The following EPC2 variants were observed in gnomAD, a reference collection of about 807,000 sequenced individuals.
EPC2 encodes the protein enhancer of polycomb homolog 2.
A neutral mutation model predicts 92.1 loss-of-function variants in EPC2; 14 were observed. The observed-to-expected ratio is 0.15, with a 90% CI of 0.10 to 0.24. The LOEUF (loss-of-function observed/expected upper bound fraction) is 0.24, where lower values mean the gene tolerates loss of function less well. Ranked by LOEUF, EPC2 falls within the 10% of genes least tolerant of loss-of-function variation. EPC2 has a pLI of 1.00. For missense variants in EPC2, 755 were observed against 971.5 expected (o/e 0.78, Z 2.96); for synonymous variants, 340 against 334.7 (o/e 1.02, Z -0.17).
chr2:148,761,885 C>G lies in EPC2; in HGVS notation c.770C>G (p.Thr257Arg). 6.3e-7 allele frequency: 1 copy of G among 1,597,428 alleles called. No individual in the cohort carries two copies. Among genetic ancestry groups the G allele is most frequent in the Non-Finnish European group, 8.5e-7 (1 of 1,174,130 alleles). ...GAAATGATTAAGAGAAGAGAGAAAA[C>G]AAAACGAGAATTATTGCACTTAACC... ...ILEMIKRREK[T>R]KRELLHLTLE... Residue 257 changes from threonine (T) to arginine (R), a missense_variant, in exon 5 of 14, where the codon ACA becomes AGA. Thr to Arg is a moderately conservative substitution (Grantham distance 71). Around this residue, in one of 4 missense-constraint regions of EPC2, gnomAD observed 509 missense variants for 607.7 expected, o/e 0.84. Transcript: ENST00000258484.
intron 1 of EPC2, among the ~76,000 whole-genome samples, chr2:148,688,516 A>T (rs940639927): frequency 2.0e-5 from 3 of 152,172 alleles, no homozygotes; most frequent in African/African-American, 4.8e-5. Flanking sequence ...TACATATGTA[A>T]CAAACCTGCA....
intron 1 of EPC2, among the ~76,000 whole-genome samples, chr2:148,647,328 A>G (rs1236283938): frequency 2.0e-5 from 3 of 151,978 alleles, no homozygotes; most frequent in Admixed American, 1.3e-4. Flanking sequence ...GTTTTTTGAG[A>G]TGGAGTTTAG....
intron 6 of EPC2, 76 bp downstream of exon 6, chr2:148,762,878 T>G: frequency 6.9e-7 from 1 of 1,457,010 alleles, no homozygotes; most frequent in South Asian, 1.5e-5. Context: ...GCAGTTGTCT[T>G]AATATGGTTT....
intron 2 of EPC2, among the ~76,000 whole-genome samples, chr2:148,705,500 C>T (rs975999878): frequency 3.9e-5 from 6 of 152,172 alleles, no homozygotes; most frequent in Admixed American, 3.3e-4. Context: ...GGTGTTTGAG[C>T]TCTGAGAATG....
intron 11 of EPC2, 91 bp downstream of exon 11, chr2:148,781,871 G>A: frequency 1.3e-6 from 2 of 1,484,916 alleles, no homozygotes; most frequent in African/African-American, 2.8e-5. Context: ...AGATAATCTT[G>A]GTTTTGCCAC....
chr2:148,721,434 T>C (rs1479165300), intron 2 of EPC2, among the ~76,000 whole-genome samples: 2 of 152,162 alleles, frequency 1.3e-5, no homozygotes, highest in African/African-American at 2.4e-5. Context: ...CCTTTGTAGC[T>C]AAGGTGTTTT....
chr2:148,700,575 T>C lies in EPC2; in HGVS notation c.313+10202T>C, dbSNP rs1430519268. On this transcript the variant is annotated intron_variant, in intron 2 of 13. Transcript: ENST00000258484. Reference sequence around the variant, plus strand: ...TTTGTATGGATCTGTATCTGGGCTCTATTCTGTTCCATTGATCTACTTGTT... The same window carrying C: ...TTTGTATGGATCTGTATCTGGGCTCCATTCTGTTCCATTGATCTACTTGTT... 4.7e-5 allele frequency among the ~76,000 whole-genome samples: 7 copies of C among 149,582 alleles called. No homozygotes were observed. The East Asian group carries it at 8.2e-4, about 17-fold the overall frequency.
chr2:148,710,259 C>T (rs927810651), intron 2 of EPC2, among the ~76,000 whole-genome samples: 1 of 152,240 alleles, frequency 6.6e-6, no homozygotes, highest in African/African-American at 2.4e-5. Context: ...TGCTCATCAT[C>T]ACTGGTCATC....
At chr2:148,685,250 GT>G (rs58225738) in intron 1 of EPC2, among the ~76,000 whole-genome samples, 145,521 of 151,186 alleles carry the variant, frequency 0.96, 70,270 homozygotes, top group Middle Eastern at 1. Context: ...ATTTCGTTGA[GT>G]TTTTTTTTTC....
intron 1 of EPC2, among the ~76,000 whole-genome samples, chr2:148,647,481 T>C (rs1424365362): frequency 6.6e-6 from 1 of 151,986 alleles, no homozygotes; most frequent in African/African-American, 2.4e-5. Flanking sequence ...CTAATTTTTG[T>C]ATTTTTAGTA....
chr2:148,662,222 G>C lies in EPC2; in HGVS notation c.153+17052G>C, dbSNP rs10191836. ...GAACACTTTTACACTGTTGGTGGGA[G>C]TGTAAACTAGTTCAACCATTGTGGA... On this transcript the variant is annotated intron_variant, in intron 1 of 13. Coordinates refer to ENST00000258484, the MANE Select transcript of EPC2 (RefSeq NM_015630.4). Among the ~76,000 whole-genome samples the C allele has an allele frequency of 7.2e-5, 11 of 151,744 alleles. 1 individual carries two copies. In the East Asian group the frequency reaches 1.7e-3, roughly 24 times the overall value.
rs1052242042 is a variant in EPC2, at chr2:148,694,788, G to A, written c.313+4415G>A. On this transcript the variant is annotated intron_variant, in intron 2 of 13. Transcript: ENST00000258484. ...CTCCCCCCGCCCAAACCCTGGTGAC[G>A]GAATCTTGCTCTGTTGCCCAGGCTG... 3.9e-5 allele frequency among the ~76,000 whole-genome samples: 6 copies of A among 152,184 alleles called. No individual in the cohort carries two copies. The South Asian group carries it at 6.2e-4, about 16-fold the overall frequency.
intron 7 of EPC2, among the ~76,000 whole-genome samples, chr2:148,767,555 A>G (rs1166655155): frequency 1.2e-4 from 19 of 152,202 alleles, no homozygotes; most frequent in Admixed American, 1.2e-3. Flanking sequence ...TTCAGAGTGT[A>G]CATCTTATAA....
chr2:148,682,369 C>T (rs1196204994), intron 1 of EPC2, among the ~76,000 whole-genome samples: 1 of 152,204 alleles, frequency 6.6e-6, no homozygotes, highest in African/African-American at 2.4e-5. Context: ...TTCTCCACAT[C>T]CTCTCTACCT....
At chr2:148,706,242 A>C (rs1681996750) in intron 2 of EPC2, among the ~76,000 whole-genome samples, 1 of 152,198 alleles carries the variant, frequency 6.6e-6, no homozygotes, top group African/African-American at 2.4e-5. Flanking sequence ...AAGTGGAAGA[A>C]AGGGTATCAG....
At chr2:148,674,831 T>C (rs1442996500) in intron 1 of EPC2, among the ~76,000 whole-genome samples, 1 of 152,182 alleles carries the variant, frequency 6.6e-6, no homozygotes, top group African/African-American at 2.4e-5. Context: ...TTCTCAAGGC[T>C]TTTTGGACTG....
intron 1 of EPC2, among the ~76,000 whole-genome samples, chr2:148,670,287 G>A (rs1681130025): frequency 6.6e-6 from 1 of 151,604 alleles, no homozygotes; most frequent in African/African-American, 2.4e-5. Context: ...ACTTTGTCGG[G>A]GTATTTTGCT....
intron 1 of EPC2, among the ~76,000 whole-genome samples, chr2:148,645,889 G>A (rs1559136471): frequency 6.6e-6 from 1 of 152,252 alleles, no homozygotes; most frequent in Non-Finnish European, 1.5e-5. Flanking sequence ...GCCCGGAAGC[G>A]AGCCGCCGGC....
chr2:148,760,907 G>A (rs987934001), intron 4 of EPC2, among the ~76,000 whole-genome samples: 4 of 152,148 alleles, frequency 2.6e-5, no homozygotes, highest in African/African-American at 9.7e-5. Flanking sequence ...ATCAAGGCAT[G>A]AATGATTGCT....
Sources: gnomAD v4.1 joint callset for allele counts (sites outside exome capture counted in the v4.1 genomes callset) on GRCh38, gnomAD v4.1.1 for gene constraint, gnomAD v4.1.1 regional missense constraint, MANE v1.5 for transcripts, NCBI Gene and HGNC (gene_info 2026-07-23, HGNC 2026-07-21) for gene names.